GABRA1: variants seen among roughly 807,000 people sequenced by gnomAD.
GABRA1 encodes the protein gamma-aminobutyric acid receptor subunit alpha-1.
In GABRA1, 9 loss-of-function variants were observed where a neutral mutation model predicts 48.9. That is an observed-to-expected ratio of 0.18 (90% CI 0.11 to 0.32). The LOEUF (loss-of-function observed/expected upper bound fraction) is 0.32, where lower values mean the gene tolerates loss of function less well. Among genes scored for constraint, GABRA1 ranks in the 10% least tolerant of loss-of-function variants. The pLI is 1.00. For synonymous variants in GABRA1, 210 were observed against 198.7 expected, an observed-to-expected ratio of 1.06 and a Z score of -0.48; for missense variants, 285 against 553.8, an observed-to-expected ratio of 0.51 and a Z score of 4.87.
At chr5:161,889,224 A>G (rs1174177231) in intron 7 of GABRA1, among the ~76,000 whole-genome samples, 1 of 152,074 alleles carries the variant, frequency 6.6e-6, no homozygotes, top group African/African-American at 2.4e-5. Context: ...ACCAGTTCTG[A>G]TTGAGGAGAA....
chr5:161,850,515 C>A, intron 1 of GABRA1: 1 of 522,312 alleles, frequency 1.9e-6, no homozygotes, highest in Non-Finnish European at 3.4e-6. Context: ...AGATAAACAA[C>A]TCACAGTTTT....
rs548668910 is a variant in GABRA1 at position 161,892,640 on chromosome 5, A to G, written c.856+1590A>G. Reference sequence around the variant, plus strand: ...GTCTTGTTAAGATGCTTATATCTGTATGAGTATGCCTTTTTCTCACTAGGA... The same window carrying G: ...GTCTTGTTAAGATGCTTATATCTGTGTGAGTATGCCTTTTTCTCACTAGGA... On this transcript the variant is annotated intron_variant, in intron 8 of 9. Coordinates refer to ENST00000393943, the MANE Select transcript of GABRA1 (RefSeq NM_001127644.2). 7.1e-4 allele frequency among the ~76,000 whole-genome samples: 108 copies of G among 152,162 alleles called. 2 individuals carry two copies. Among genetic ancestry groups the G allele is most frequent in the African/African-American group, 2.4e-3 (100 of 41,520 alleles).
At chr5:161,877,255 A>G (rs1292412443) in intron 6 of GABRA1, among the ~76,000 whole-genome samples, 1 of 152,160 alleles carries the variant, frequency 6.6e-6, no homozygotes, top group Non-Finnish European at 1.5e-5. Flanking sequence ...TGGTATAAAT[A>G]CTAATAATTC....
intron 1 of GABRA1, among the ~76,000 whole-genome samples, chr5:161,849,894 T>C (rs1757366986): frequency 6.6e-6 from 1 of 152,168 alleles, no homozygotes; most frequent in Non-Finnish European, 1.5e-5. Context: ...AACATTCCAC[T>C]ACCAAGTCTA....
At chr5:161,887,945 T>C (rs1754920989) in intron 7 of GABRA1, among the ~76,000 whole-genome samples, 1 of 152,146 alleles carries the variant, frequency 6.6e-6, no homozygotes, top group South Asian at 2.1e-4. Context: ...ATGCAAGGTA[T>C]TTACCTCCAA....
At chr5:161,885,427 A>T (rs947798203) in intron 7 of GABRA1, among the ~76,000 whole-genome samples, 1 of 152,160 alleles carries the variant, frequency 6.6e-6, no homozygotes, top group African/African-American at 2.4e-5. Flanking sequence ...ATTGAGAATG[A>T]CTAGATAAAA....
chr5:161,865,753 G>A lies in GABRA1; in HGVS notation c.220G>A (p.Val74Ile). 1 of 1,612,948 alleles carries A rather than the reference G, an allele frequency of 6.2e-7. No individual in the cohort carries two copies. The highest frequency in any genetic ancestry group is 8.5e-7 in the Non-Finnish European group (1 of 1,179,178). ...AACCGAAGTGAAGACTGATATCTTCGTCACCAGTTTCGGACCCGTTTCAGA... is the reference window on the plus strand; with the variant it reads ...AACCGAAGTGAAGACTGATATCTTCATCACCAGTTTCGGACCCGTTTCAGA... The part of the protein sequence containing the change: ...RVTEVKTDIF[V>I]TSFGPVSDHD... The change falls in exon 4 of 10, where the codon GTC becomes ATC. Residue 74 changes from valine (V) to isoleucine (I), a missense_variant. By Grantham distance (29) the Val-to-Ile change is conservative (BLOSUM62 3). Around this residue, in one of 6 missense-constraint regions of GABRA1, gnomAD observed 105 missense variants for 267.4 expected, o/e 0.39. Coordinates refer to ENST00000393943, the MANE Select transcript of GABRA1 (RefSeq NM_001127644.2).
At chr5:161,854,524 T>C (rs1025290420) in intron 3 of GABRA1, among the ~76,000 whole-genome samples, 7 of 151,686 alleles carry the variant, frequency 4.6e-5, no homozygotes, top group African/African-American at 1.4e-4. Flanking sequence ...GCACAGTACT[T>C]TCTGTGTAAC....
At chr5:161,852,564 A>G (rs114733981) in intron 2 of GABRA1, among the ~76,000 whole-genome samples, 2,731 of 152,066 alleles carry the variant, frequency 0.018, 100 homozygotes, top group African/African-American at 0.062. Flanking sequence ...AATTGCATTC[A>G]CAAAACTATT....
chr5:161,857,445 A>C (rs1465032329), intron 3 of GABRA1, among the ~76,000 whole-genome samples: 1 of 151,586 alleles, frequency 6.6e-6, no homozygotes, highest in Non-Finnish European at 1.5e-5. Context: ...AATAATTAGA[A>C]AACAAAATAT....
intron 4 of GABRA1, among the ~76,000 whole-genome samples, chr5:161,869,699 C>G (rs1421181528): frequency 3.9e-5 from 6 of 152,076 alleles, no homozygotes; most frequent in African/African-American, 1.4e-4. Context: ...ATGTTTTGTC[C>G]CAGATCTTCA....
chr5:161,896,038 G>A (rs1470294875), intron 9 of GABRA1, among the ~76,000 whole-genome samples, 170 bp downstream of exon 9: 4 of 152,068 alleles, frequency 2.6e-5, no homozygotes, highest in Non-Finnish European at 4.4e-5. Context: ...TTGATAAAGG[G>A]AGAGGTCATT....
chr5:161,858,050 A>T (rs1757717700), intron 3 of GABRA1, among the ~76,000 whole-genome samples: 1 of 151,410 alleles, frequency 6.6e-6, no homozygotes, highest in Non-Finnish European at 1.5e-5. Context: ...GAGGGAGAGG[A>T]ATTGAGGAAG....
intron 3 of GABRA1, among the ~76,000 whole-genome samples, chr5:161,863,086 T>C (rs1757922572): frequency 1.3e-5 from 2 of 151,864 alleles, no homozygotes; most frequent in African/African-American, 4.8e-5. Flanking sequence ...GATATCAATA[T>C]TGTAGAAAAT....
At chr5:161,872,404 G>A (rs1581197032) in intron 4 of GABRA1, 1 of 152,572 alleles carries the variant, frequency 6.6e-6, no homozygotes, top group Non-Finnish European at 1.5e-5. Flanking sequence ...CATTTCTCAT[G>A]TGGCTTATAC....
chr5:161,891,955 C>T (rs936113867), intron 8 of GABRA1, among the ~76,000 whole-genome samples: 14 of 152,176 alleles, frequency 9.2e-5, no homozygotes, highest in African/African-American at 3.4e-4. Context: ...ATTCTATCTA[C>T]TATTATTATT....
rs146307906 is a variant in GABRA1 at position 161,881,576 on chromosome 5, A to T, written c.560-982A>T. On this transcript the variant is annotated intron_variant, in intron 6 of 9. Coordinates refer to ENST00000393943, the MANE Select transcript of GABRA1 (RefSeq NM_001127644.2). ...TAATCAGTAGAAAAGAGGAGAGTAAACTCAGACTTGCTAATGGACATGCAG... is the reference window on the plus strand; with the variant it reads ...TAATCAGTAGAAAAGAGGAGAGTAATCTCAGACTTGCTAATGGACATGCAG... Among the ~76,000 whole-genome samples, 543 of 152,260 alleles carry T rather than the reference A, an allele frequency of 3.6e-3. 2 individuals are homozygous for T. Among genetic ancestry groups the T allele is most frequent in the African/African-American group, 0.012 (514 of 41,564 alleles).
rs1755412612 is a variant in GABRA1, at chr5:161,897,288, T to G, written c.1237T>G (p.Phe413Val). Residue 413 changes from phenylalanine (F) to valine (V), a missense_variant, in exon 10 of 10, where the codon TTT becomes GTT. Physicochemically the swap from Phe to Val is conservative, Grantham distance 50. Around this residue, in one of 6 missense-constraint regions of GABRA1, gnomAD observed 99 missense variants for 94.2 expected, o/e 1.05. Coordinates refer to ENST00000393943, the MANE Select transcript of GABRA1 (RefSeq NM_001127644.2). ...AAAACCACCAGAACCCAAGAAAACCTTTAACAGTGTCAGCAAAATTGACCG... is the reference window on the plus strand; with the variant it reads ...AAAACCACCAGAACCCAAGAAAACCGTTAACAGTGTCAGCAAAATTGACCG... Reference protein sequence around the residue: ...ETKPPEPKKTFNSVSKIDRLS... With the variant: ...ETKPPEPKKTVNSVSKIDRLS... 1 of 1,614,008 alleles carries G rather than the reference T, an allele frequency of 6.2e-7. No individual in the cohort carries two copies. Among genetic ancestry groups the G allele is most frequent in the African/African-American group, 1.3e-5 (1 of 74,910 alleles).
intron 4 of GABRA1, among the ~76,000 whole-genome samples, chr5:161,871,480 T>C (rs1230970005): frequency 6.6e-6 from 1 of 152,170 alleles, no homozygotes. Context: ...AACCTGCACA[T>C]CCTGAGGTAG....
Sources: gnomAD v4.1 joint callset for allele counts (sites outside exome capture counted in the v4.1 genomes callset) on GRCh38, gnomAD v4.1.1 for gene constraint, gnomAD v4.1.1 regional missense constraint, MANE v1.5 for transcripts, NCBI Gene and HGNC (gene_info 2026-07-23, HGNC 2026-07-21) for gene names.